Variants in TMEM232 observed in about 807,000 individuals in gnomAD.
The protein encoded by TMEM232 is transmembrane protein 232.
In TMEM232, 80 loss-of-function variants were observed where a neutral mutation model predicts 78.8. The ratio of observed to expected loss-of-function variants is 1.01; its 90% CI spans 0.85 to 1.22. The LOEUF is 1.22. TMEM232 is among the 50% of genes most tolerant of loss of function. The pLI is 0.00. For synonymous variants in TMEM232, 297 were observed against 254.3 expected (o/e 1.17, Z -1.60); for missense variants, 881 against 742.2 (o/e 1.19, Z -2.17).
chr5:110,613,304 C>T (rs576914804), intron 8 of TMEM232, among the ~76,000 whole-genome samples: 3 of 152,168 alleles, frequency 2.0e-5, no homozygotes, highest in Admixed American at 2.0e-4. Flanking sequence ...CAGGGAGATA[C>T]ATGATGAATT....
chr5:110,435,409 C>T (rs1010747488), intron 12 of TMEM232, among the ~76,000 whole-genome samples: 1 of 150,222 alleles, frequency 6.7e-6, no homozygotes, highest in Non-Finnish European at 1.5e-5. Context: ...TACAGGCATG[C>T]AATATGTAAT....
intron 11 of TMEM232, among the ~76,000 whole-genome samples, chr5:110,564,053 T>C (rs1776052795): frequency 6.6e-6 from 1 of 152,034 alleles, no homozygotes; most frequent in South Asian, 2.1e-4. Flanking sequence ...TTGCCAGTAA[T>C]GGCCCACCCA....
chr5:110,712,858 C>CA (rs1261297879), intron 1 of TMEM232, among the ~76,000 whole-genome samples: 1 of 151,886 alleles, frequency 6.6e-6, no homozygotes, highest in African/African-American at 2.4e-5. Context: ...GGAGGTTCCT[C>CA]AAAAAACTAA....
chr5:110,729,017 T>A (rs1260112647), upstream of TMEM232, among the ~76,000 whole-genome samples: 1 of 152,008 alleles, frequency 6.6e-6, no homozygotes, highest in Non-Finnish European at 1.5e-5. Context: ...CCCGAGTACC[T>A]GGGATTACAG....
intron 1 of TMEM232, among the ~76,000 whole-genome samples, chr5:110,678,818 T>C (rs979557434): frequency 1.2e-4 from 19 of 152,198 alleles, no homozygotes; most frequent in Admixed American, 2.6e-4. Context: ...TTTAGTGATA[T>C]GCATTTAAGG....
chr5:110,727,596 G>A (rs555207747), upstream of TMEM232, among the ~76,000 whole-genome samples: 8 of 152,122 alleles, frequency 5.3e-5, no homozygotes, highest in East Asian at 9.7e-4. Context: ...GAAACAGAGC[G>A]AGATTCCATC....
At chr5:110,559,981 G>T (rs1212373473) in intron 11 of TMEM232, among the ~76,000 whole-genome samples, 1 of 152,014 alleles carries the variant, frequency 6.6e-6, no homozygotes, top group African/African-American at 2.4e-5. Context: ...TTCTTATAAA[G>T]ACACCAATCT....
chr5:110,645,742 T>C (rs767605973), intron 2 of TMEM232, among the ~76,000 whole-genome samples: 10 of 151,412 alleles, frequency 6.6e-5, no homozygotes, highest in Non-Finnish European at 1.2e-4. Context: ...TAAGAATAAA[T>C]AAATAAAAGG....
intron 11 of TMEM232, among the ~76,000 whole-genome samples, chr5:110,540,182 C>T (rs890195505): frequency 1.3e-5 from 2 of 152,202 alleles, no homozygotes; most frequent in East Asian, 1.9e-4. Context: ...TGTAGTAGTA[C>T]TAGCCCAGAA....
chr5:110,495,765 G>A (rs1765574854), intron 12 of TMEM232, among the ~76,000 whole-genome samples: 1 of 151,318 alleles, frequency 6.6e-6, no homozygotes, highest in Non-Finnish European at 1.5e-5. Flanking sequence ...TTAACTTAAT[G>A]TCACATTTGT....
At chr5:110,470,775 T>C (rs1030010962) in intron 12 of TMEM232, among the ~76,000 whole-genome samples, 1 of 152,168 alleles carries the variant, frequency 6.6e-6, no homozygotes, top group African/African-American at 2.4e-5. Flanking sequence ...AGTTTAGAAG[T>C]GGTGATTGTT....
At chr5:110,521,536 C>T (rs550756254) in intron 12 of TMEM232, among the ~76,000 whole-genome samples, 11 of 152,212 alleles carry the variant, frequency 7.2e-5, no homozygotes, top group African/African-American at 2.6e-4. Context: ...TAAAGATCAA[C>T]GTCAAGAAGT....
intron 11 of TMEM232, among the ~76,000 whole-genome samples, chr5:110,550,230 A>G (rs973653428): frequency 6.6e-6 from 1 of 152,194 alleles, no homozygotes; most frequent in Non-Finnish European, 1.5e-5. Flanking sequence ...CATGAAATGT[A>G]TTTGGTAAAA....
intron 1 of TMEM232, among the ~76,000 whole-genome samples, chr5:110,696,703 C>T (rs1370887939): frequency 2.6e-5 from 4 of 152,098 alleles, no homozygotes; most frequent in Admixed American, 2.6e-4. Flanking sequence ...TTCACAATTG[C>T]TTCAAAGAGA....
intron 11 of TMEM232, among the ~76,000 whole-genome samples, chr5:110,542,808 G>A (rs1773323033): frequency 6.6e-6 from 1 of 151,980 alleles, no homozygotes; most frequent in Admixed American, 6.6e-5. Context: ...AACCCCCCTC[G>A]CTTTCTGCAT....
intron 2 of TMEM232, among the ~76,000 whole-genome samples, chr5:110,659,978 GA>G (rs555360018): frequency 2.3e-4 from 35 of 151,020 alleles, no homozygotes; most frequent in African/African-American, 8.2e-4. Context: ...GGAGAGAAAA[GA>G]AAAAAAGGGG....
At chr5:110,664,970 C>T (rs149193101) in intron 2 of TMEM232, among the ~76,000 whole-genome samples, 1 of 152,100 alleles carries the variant, frequency 6.6e-6, no homozygotes, top group South Asian at 2.1e-4. Context: ...ATATATGTTA[C>T]TATCTGGTTT....
intron 12 of TMEM232, among the ~76,000 whole-genome samples, chr5:110,463,963 A>C (rs963512208): frequency 6.6e-6 from 1 of 152,154 alleles, no homozygotes; most frequent in African/African-American, 2.4e-5. Context: ...TATTTGAAAT[A>C]CTCATCTTCC....
Position 110,691,460 on chromosome 5 carries a change from T to C in TMEM232, c.-12-24096A>G, listed in dbSNP as rs1260399228. ...CATGAATTCTTGTATTGGATTTATG[T>C]TGTATGCCAGTACTTTTTATTTATT... On this transcript the variant is annotated intron_variant, in intron 1 of 13. Transcript: ENST00000455884. 1.3e-5 allele frequency among the ~76,000 whole-genome samples: 2 copies of C among 152,222 alleles called. 1 individual carries two copies. The highest frequency in any genetic ancestry group is 4.8e-5 in the African/African-American group (2 of 41,458).
Sources: gnomAD v4.1 joint callset for allele counts (sites outside exome capture counted in the v4.1 genomes callset) on GRCh38, gnomAD v4.1.1 for gene constraint, MANE v1.5 for transcripts, NCBI Gene and HGNC (gene_info 2026-07-23, HGNC 2026-07-21) for gene names.